Variants in NCK1 observed in about 807,000 individuals in gnomAD.
NCK1 encodes NCK adaptor protein 1.
NCK1 carries 19 observed loss-of-function variants against 36.6 expected under a neutral mutation model. The ratio of observed to expected loss-of-function variants is 0.52; its 90% CI spans 0.36 to 0.76. The LOEUF (loss-of-function observed/expected upper bound fraction) is 0.76, where lower values mean the gene tolerates loss of function less well. Among genes scored for constraint, NCK1 ranks in the 30% least tolerant of loss-of-function variants. The pLI, the probability that NCK1 is intolerant of heterozygous loss-of-function variation, is 0.00. For synonymous variants in NCK1, 165 were observed against 156.0 expected (o/e 1.06, Z -0.43); for missense variants, 358 against 445.6 (o/e 0.80, Z 1.77).
At chr3:136,912,492 CTT>C (rs75755018) in intron 1 of NCK1, among the ~76,000 whole-genome samples, 89,648 of 145,512 alleles carry the variant, frequency 0.62, 27,456 homozygotes, top group East Asian at 0.86. Flanking sequence ...TTTCTTCAGT[CTT>C]TTTTTTTTTT....
chr3:136,943,787 A>G (rs1940737289), intron 2 of NCK1, among the ~76,000 whole-genome samples: 1 of 152,202 alleles, frequency 6.6e-6, no homozygotes, highest in South Asian at 2.1e-4. Context: ...CAGTGTTATA[A>G]TAACAAGGTT....
rs1004457968 is a variant in NCK1, at chr3:136,948,542, G to A, written c.*89G>A. 1.8e-6 allele frequency: 2 copies of A among 1,126,080 alleles called. No homozygotes were observed. Among genetic ancestry groups the A allele is most frequent in the African/African-American group, 3.2e-5 (2 of 63,080 alleles). 69.8% of individuals were successfully genotyped at this position (1,126,080 alleles called of 1,614,324 possible). A position where few individuals can be genotyped will look rare whatever the true frequency, so the allele number is the denominator to read the frequency against. ...ATGTTGGGTCCAGTCGTGCTTGATTGGAAATTGTTGTTTCTAAATCTATAT... is the reference window on the plus strand; with the variant it reads ...ATGTTGGGTCCAGTCGTGCTTGATTAGAAATTGTTGTTTCTAAATCTATAT... On this transcript the variant is annotated 3_prime_UTR_variant, in exon 4 of 4. Transcript: ENST00000481752.
At chr3:136,900,105 T>C (rs1430918521) in intron 1 of NCK1, 1 of 412,766 alleles carries the variant, frequency 2.4e-6, no homozygotes, top group Non-Finnish European at 4.6e-6. Flanking sequence ...ATATTTACAC[T>C]TCCCAAGTTC....
chr3:136,871,937 G>A (rs1413184847), intron 1 of NCK1, among the ~76,000 whole-genome samples: 2 of 152,200 alleles, frequency 1.3e-5, no homozygotes, highest in African/African-American at 2.4e-5. Flanking sequence ...CTCCTGCCAT[G>A]TGGAACTGTA....
chr3:136,890,375 G>T (rs1312854877), intron 1 of NCK1, among the ~76,000 whole-genome samples: 1 of 151,962 alleles, frequency 6.6e-6, no homozygotes, highest in African/African-American at 2.4e-5. Flanking sequence ...TCCCGCTGGC[G>T]CCTCTCCCTC....
intron 1 of NCK1, among the ~76,000 whole-genome samples, chr3:136,909,408 G>T (rs898517128): frequency 6.6e-6 from 1 of 152,206 alleles, no homozygotes; most frequent in African/African-American, 2.4e-5. Context: ...TAAAAACCAC[G>T]TGTATGATAT....
At chr3:136,927,035 G>A (rs555169305) in intron 1 of NCK1, among the ~76,000 whole-genome samples, 2 of 152,062 alleles carry the variant, frequency 1.3e-5, no homozygotes, top group Admixed American at 6.5e-5. Context: ...GCAGTGGCAC[G>A]ATCTTGGCTA....
intron 1 of NCK1, among the ~76,000 whole-genome samples, chr3:136,876,842 C>T (rs1241019898): frequency 6.6e-6 from 1 of 152,146 alleles, no homozygotes; most frequent in Non-Finnish European, 1.5e-5. Flanking sequence ...ATCTCCCTTC[C>T]TGCCTAAGAT....
chr3:136,935,971 T>G (rs1264617349), intron 2 of NCK1, among the ~76,000 whole-genome samples: 1 of 152,114 alleles, frequency 6.6e-6, no homozygotes, highest in Non-Finnish European at 1.5e-5. Context: ...TCATTTAGTA[T>G]AATATCTTCA....
intron 1 of NCK1, among the ~76,000 whole-genome samples, chr3:136,901,064 A>G (rs1939528869): frequency 6.6e-6 from 1 of 152,250 alleles, no homozygotes; most frequent in Non-Finnish European, 1.5e-5. Flanking sequence ...GACCTTTGTT[A>G]TGTTGAAGTA....
chr3:136,866,312 C>CTTTT (rs35197703), intron 1 of NCK1, among the ~76,000 whole-genome samples: 7 of 143,360 alleles, frequency 4.9e-5, no homozygotes, highest in African/African-American at 5.1e-5. Flanking sequence ...TTCTTTCTTT[C>CTTTT]TTTTTTTTTT....
At chr3:136,943,378 T>C (rs1457698978) in intron 2 of NCK1, among the ~76,000 whole-genome samples, 1 of 152,196 alleles carries the variant, frequency 6.6e-6, no homozygotes, top group Non-Finnish European at 1.5e-5. Context: ...TATTTTTATT[T>C]GGACATGAGT....
At position 136,871,354 on chromosome 3, in the gene NCK1, C is replaced by T. The variant is rs530843138; in HGVS notation, c.-19+9001C>T. Among the ~76,000 whole-genome samples the T allele has an allele frequency of 3.1e-3, 469 of 151,992 alleles. 1 individual carries two copies. The highest frequency in any genetic ancestry group is 9.6e-3 in the African/African-American group (399 of 41,434). On this transcript the variant is annotated intron_variant, in intron 1 of 3. Coordinates refer to ENST00000481752, the MANE Select transcript of NCK1 (RefSeq NM_001291999.2). ...TCGAGGCTGCAGTGAGCTATGATCG[C>T]GCCACTGTACTCTAGCTTGGGGGAC...
At chr3:136,947,393 G>A (rs1940858176) in intron 3 of NCK1, among the ~76,000 whole-genome samples, 1 of 152,068 alleles carries the variant, frequency 6.6e-6, no homozygotes, top group Non-Finnish European at 1.5e-5. Context: ...TTTCTTGTGG[G>A]TAATTGAGTG....
intron 2 of NCK1, among the ~76,000 whole-genome samples, chr3:136,940,277 G>T (rs1243787516): frequency 6.6e-6 from 1 of 152,148 alleles, no homozygotes; most frequent in Non-Finnish European, 1.5e-5. Context: ...TTCTCTATAT[G>T]TCTATTAGGT....
intron 1 of NCK1, among the ~76,000 whole-genome samples, chr3:136,877,178 A>C (rs1161863460): frequency 6.6e-6 from 1 of 152,184 alleles, no homozygotes; most frequent in East Asian, 1.9e-4. Context: ...ACATGCATTG[A>C]ATATTTCACC....
At chr3:136,936,556 C>T (rs1940537282) in intron 2 of NCK1, among the ~76,000 whole-genome samples, 1 of 152,114 alleles carries the variant, frequency 6.6e-6, no homozygotes, top group Admixed American at 6.5e-5. Flanking sequence ...TTTGAGAAAC[C>T]ATCTGTTTTT....
At chr3:136,930,520 C>A in intron 2 of NCK1, 1 of 1,416,442 alleles carries the variant, frequency 7.1e-7, no homozygotes, top group Admixed American at 2.6e-5. Flanking sequence ...TTATCCTGAG[C>A]TGTGTTAACA....
At chr3:136,938,015 T>C (rs1289076187) in intron 2 of NCK1, among the ~76,000 whole-genome samples, 1 of 152,216 alleles carries the variant, frequency 6.6e-6, no homozygotes, top group Non-Finnish European at 1.5e-5. Context: ...TCTTTCACCA[T>C]TGAGTGTGAT....
Sources: allele counts gnomAD v4.1 joint callset (sites outside exome capture counted in the v4.1 genomes callset), GRCh38; gene constraint gnomAD v4.1.1; transcripts MANE v1.5; gene names NCBI Gene and HGNC (gene_info 2026-07-23, HGNC 2026-07-21).